The following VPS52 variants were observed in gnomAD, a reference collection of about 807,000 sequenced individuals.
VPS52 encodes the protein vacuolar protein sorting-associated protein 52 homolog.
A neutral mutation model predicts 98.7 loss-of-function variants in VPS52; 56 were observed. The observed-to-expected ratio is 0.57, with a 90% CI of 0.46 to 0.71. The LOEUF (loss-of-function observed/expected upper bound fraction) is 0.71. Ranked by LOEUF, VPS52 falls within the 30% of genes least tolerant of loss-of-function variation. VPS52 has a pLI of 0.00. For synonymous variants in VPS52, 348 were observed against 346.4 expected, an observed-to-expected ratio of 1.00 and a Z score of -0.05; for missense variants, 742 against 925.9, an observed-to-expected ratio of 0.80 and a Z score of 2.58.
intron 11 of VPS52, 136 bp from the exon 12 acceptor site, chr6:33,266,848 T>C (rs1764389241): frequency 1.7e-6 from 2 of 1,188,270 alleles, no homozygotes. Context: ...AGGTCCGGGC[T>C]GTCTAAGAGC....
chr6:33,262,221 T>C (rs1763719944), intron 17 of VPS52, among the ~76,000 whole-genome samples: 1 of 152,008 alleles, frequency 6.6e-6, no homozygotes, highest in South Asian at 2.1e-4. Flanking sequence ...AAGATTTGAA[T>C]AGATATTTTT....
At position 33,267,334 on chromosome 6, in the gene VPS52, A is replaced by G. The variant is rs1764458006; in HGVS notation, c.992-13T>C. The G allele has an allele frequency of 6.4e-7, 1 of 1,560,866 alleles. No homozygotes were observed. Among genetic ancestry groups the G allele is most frequent in the Non-Finnish European group, 8.7e-7 (1 of 1,153,970 alleles). On this transcript the variant is annotated splice_polypyrimidine_tract_variant and intron_variant, in intron 10 of 19. Coordinates refer to ENST00000445902, the MANE Select transcript of VPS52 (RefSeq NM_022553.6). This position sits in a 1 kb window ranked among gnomAD's most constrained non-coding sequence, Gnocchi z 4.2. Reference sequence around the variant, plus strand: ...TTTGAGAAGAATCGTAAGATGGGTCAGAGTCAGGGAAAACAATGAGACCAT... The same window carrying G: ...TTTGAGAAGAATCGTAAGATGGGTCGGAGTCAGGGAAAACAATGAGACCAT...
intron 17 of VPS52, among the ~76,000 whole-genome samples, chr6:33,253,415 G>A (rs112395053): frequency 0.029 from 4,370 of 151,550 alleles, 150 homozygotes; most frequent in African/African-American, 0.083. Context: ...GCTTGAACCC[G>A]GGAGGCAGAT....
chr6:33,263,452 G>A (rs1261742846), intron 17 of VPS52, 32 bp downstream of exon 17: 4 of 1,607,306 alleles, frequency 2.5e-6, no homozygotes, highest in Non-Finnish European at 3.4e-6. Context: ...CAGCACAGAA[G>A]GCTGTCTCTT....
chr6:33,252,297 G>A (rs1419195410), intron 17 of VPS52, among the ~76,000 whole-genome samples: 1 of 152,186 alleles, frequency 6.6e-6, no homozygotes, highest in African/African-American at 2.4e-5. Context: ...AATGTCTAAA[G>A]TTAAGGATAG....
rs764383959 is a variant in VPS52, at chr6:33,271,611, T to A, written c.65A>T (p.Asp22Val). ...CAGCGGGCCCTCTTCCTCCTCCATA[T>A]CTGAGGTCCCAGCCCGCAACACCAG... ...RELVLRAGTS[D>V]MEEEEGPLAG... The change falls in exon 1 of 20, where the codon GAT (aspartate) becomes GTT (valine). Residue 22 changes from aspartate (D) to valine (V), a missense_variant. Asp to Val is a radical substitution (Grantham distance 152). Around this residue, in one of 2 missense-constraint regions of VPS52, gnomAD observed 152 missense variants for 132.6 expected, o/e 1.15. Coordinates refer to ENST00000445902, the MANE Select transcript of VPS52 (RefSeq NM_022553.6). 1.9e-5 allele frequency: 31 copies of A among 1,611,376 alleles called. No individual in the cohort carries two copies. In the Middle Eastern group the frequency reaches 1.8e-3, roughly 94 times the overall value.
rs749612595 is a variant in VPS52 at position 33,269,790 on chromosome 6, T to C, written c.258A>G (p.Gln86=). Reference sequence around the variant, plus strand: ...CAATCTGCTGTAGCTCCAGCTCAACTTGCTTTGAATAGTGACGGAGATCTA... The same window carrying C: ...CAATCTGCTGTAGCTCCAGCTCAACCTGCTTTGAATAGTGACGGAGATCTA... ...TGVDLRHYSK[Q]VELELQQIEQ... is the part of the protein sequence containing the mutation. Residue 86 remains glutamine (Q), a synonymous_variant, in exon 4 of 20, where the codon CAA becomes CAG. Transcript: ENST00000445902. 1 of 1,442,166 alleles carries C rather than the reference T, an allele frequency of 6.9e-7. No homozygotes were observed. The highest frequency in any genetic ancestry group is 9.1e-7 in the Non-Finnish European group (1 of 1,097,856). 89.3% of individuals were successfully genotyped at this position (1,442,166 alleles called of 1,614,324 possible). A position where few individuals can be genotyped will look rare whatever the true frequency, so the allele number is the denominator to read the frequency against.
chr6:33,271,921 CT>C, upstream of VPS52: 1 of 1,075,384 alleles, frequency 9.3e-7, no homozygotes, highest in Admixed American at 2.6e-5. Flanking sequence ...ACCTTACGAA[CT>C]GTAAAGAAAG....
rs765025812 is a variant in VPS52, at chr6:33,251,603, C to T, written c.1940G>A (p.Ser647Asn). Residue 647 changes from serine (S) to asparagine (N), a missense_variant, in exon 19 of 20, where the codon AGT (serine) becomes AAT (asparagine). Transcript: ENST00000445902. ...RVTQLIRGFG[S>N]SWKSSVESLS... Reference sequence around the variant, plus strand: ...AGATTCCACTGATGATTTCCAGGAACTACCAAAGCCACGGATCAGCTGAGT... The same window carrying T: ...AGATTCCACTGATGATTTCCAGGAATTACCAAAGCCACGGATCAGCTGAGT... 6.2e-7 allele frequency: 1 copy of T among 1,613,986 alleles called. No homozygotes were observed. Among genetic ancestry groups the T allele is most frequent in the Non-Finnish European group, 8.5e-7 (1 of 1,179,964 alleles).
intron 17 of VPS52, among the ~76,000 whole-genome samples, chr6:33,263,263 C>CA (rs750569619): frequency 0.083 from 3,671 of 44,182 alleles, 296 homozygotes; most frequent in African/African-American, 0.19. Flanking sequence ...CACTTTGCCT[C>CA]AAAAAAAAAA....
In VPS52 at chr6:33,254,609, A is replaced by G. The variant is rs968618865; in HGVS notation, c.1795-2638T>C. The G allele has an allele frequency of 4.6e-5, 7 of 152,338 alleles. No individual in the cohort carries two copies. In the East Asian group the frequency reaches 1.3e-3, roughly 29 times the overall value. 9.4% of individuals were successfully genotyped at this position (152,338 alleles called of 1,614,324 possible). ...AGCCATAAATTATATAATGTGTTGT[A>G]AGCATGATATATACACCTGATTTTG... On this transcript the variant is annotated intron_variant, in intron 17 of 19. Transcript: ENST00000445902.
rs1309065952 is a variant in VPS52, at chr6:33,251,139, C to T, written c.2026-152G>A. 7 of 1,063,154 alleles carry T rather than the reference C, an allele frequency of 6.6e-6. No individual in the cohort carries two copies. The Admixed American group carries it at 7.2e-5, about 11-fold the overall frequency. 65.9% of individuals were successfully genotyped at this position (1,063,154 alleles called of 1,614,324 possible). ...CGGGCAGATCACGAGGTCAGGAATT[C>T]GAGACCAGCCTGGCCAACACAGTGA... On this transcript the variant is annotated intron_variant, in intron 19 of 19. Transcript: ENST00000445902.
chr6:33,251,396 A>G (rs1762219400), intron 19 of VPS52, 122 bp downstream of exon 19: 10 of 718,070 alleles, frequency 1.4e-5, no homozygotes, highest in Non-Finnish European at 2.0e-5. Flanking sequence ...CTCATACAGA[A>G]CTTTGGGCAC....
Position 33,263,781 on chromosome 6 carries a change from A to G in VPS52, c.1719T>C (p.Gly573=). The G allele has an allele frequency of 6.2e-7, 1 of 1,614,130 alleles. No homozygotes were observed. The highest frequency in any genetic ancestry group is 8.5e-7 in the Non-Finnish European group (1 of 1,180,018). Residue 573 remains glycine, a synonymous_variant, in exon 16 of 20, where the codon GGT becomes GGC. Coordinates refer to ENST00000445902, the MANE Select transcript of VPS52 (RefSeq NM_022553.6). ...FLINNYDMML[G]VLMERAADDS... ...AAGGAGCACCTATTACCATCAGCAC[A>G]CCCAGCATCATGTCATAGTTGTTGA...
At chr6:33,253,700 A>G (rs973015637) in intron 17 of VPS52, among the ~76,000 whole-genome samples, 1 of 151,912 alleles carries the variant, frequency 6.6e-6, no homozygotes, top group African/African-American at 2.4e-5. Context: ...GGCTGCAGGG[A>G]GTTATATCAT....
At position 33,267,989 on chromosome 6, in the gene VPS52, T is replaced by A. The variant is rs1554261179; in HGVS notation, c.809A>T (p.Tyr270Phe). The A allele has an allele frequency of 6.2e-7, 1 of 1,613,024 alleles. No individual in the cohort carries two copies. Among genetic ancestry groups the A allele is most frequent in the South Asian group, 1.1e-5 (1 of 91,086 alleles). ...TCGTTCATTGCCCAGCAGAAACTGATAGAAGAACCTAGGGGGTCAGGAACA... is the reference window on the plus strand; with the variant it reads ...TCGTTCATTGCCCAGCAGAAACTGAAAGAAGAACCTAGGGGGTCAGGAACA... ...QTALLKYRFF[Y>F]QFLLGNERAT... The change falls in exon 9 of 20, where the codon TAT becomes TTT. Residue 270 changes from tyrosine to phenylalanine, a missense_variant. Around this residue, in one of 2 missense-constraint regions of VPS52, gnomAD observed 590 missense variants for 793.3 expected, o/e 0.74. Coordinates refer to ENST00000445902, the MANE Select transcript of VPS52 (RefSeq NM_022553.6). This position sits in a 1 kb window ranked among gnomAD's most constrained non-coding sequence, Gnocchi z 4.2.
At chr6:33,263,576 A>C in intron 16 of VPS52, 27 bp from the exon 17 acceptor site, 1 of 1,614,064 alleles carries the variant, frequency 6.2e-7, no homozygotes, top group Non-Finnish European at 8.5e-7. Flanking sequence ...GGAAATGTCT[A>C]GTTTGGGGAA....
Position 33,250,720 on chromosome 6 carries a change from T to A in VPS52, c.*121A>T. Reference sequence around the variant, plus strand: ...GCTGGGAGTGAAGGCAGGTAAGCCATGTCAAGGGCCTGGGAAGCAAGGGGA... The same window carrying A: ...GCTGGGAGTGAAGGCAGGTAAGCCAAGTCAAGGGCCTGGGAAGCAAGGGGA... On this transcript the variant is annotated 3_prime_UTR_variant, in exon 20 of 20. Transcript: ENST00000445902. The A allele has an allele frequency of 1.5e-6, 2 of 1,365,052 alleles. No individual in the cohort carries two copies. The highest frequency in any genetic ancestry group is 2.0e-6 in the Non-Finnish European group (2 of 999,406). The allele number at this position is 1,365,052 out of a possible 1,614,324, so 84.6% of individuals were successfully genotyped here. A position where few individuals can be genotyped will look rare whatever the true frequency, so the allele number is the denominator to read the frequency against.
At chr6:33,253,699 G>A (rs1317287370) in intron 17 of VPS52, among the ~76,000 whole-genome samples, 1 of 151,932 alleles carries the variant, frequency 6.6e-6, no homozygotes, top group Non-Finnish European at 1.5e-5. Flanking sequence ...AGGCTGCAGG[G>A]AGTTATATCA....
Sources: gnomAD v4.1 joint callset for allele counts (sites outside exome capture counted in the v4.1 genomes callset) on GRCh38, gnomAD v4.1.1 for gene constraint, gnomAD v4.1.1 regional missense constraint, Gnocchi (gnomAD v3.1) non-coding constraint, MANE v1.5 for transcripts, NCBI Gene and HGNC (gene_info 2026-07-23, HGNC 2026-07-21) for gene names.